The following KIAA0232 variants were observed in gnomAD, a reference collection of about 807,000 sequenced individuals.
KIAA0232 encodes the protein uncharacterized protein KIAA0232.
A neutral mutation model predicts 122.0 loss-of-function variants in KIAA0232; 27 were observed. The ratio of observed to expected loss-of-function variants is 0.22; its 90% CI spans 0.16 to 0.31. The LOEUF is 0.31. Among genes scored for constraint, KIAA0232 ranks in the 10% least tolerant of loss-of-function variants. The pLI is 1.00. For missense variants in KIAA0232, 1,551 were observed against 1,634.2 expected, an observed-to-expected ratio of 0.95 and a Z score of 0.88; for synonymous variants, 613 against 587.6, an observed-to-expected ratio of 1.04 and a Z score of -0.63.
intron 1 of KIAA0232, among the ~76,000 whole-genome samples, chr4:6,792,847 G>A (rs1460417245): frequency 1.3e-5 from 2 of 151,802 alleles, no homozygotes; most frequent in Admixed American, 1.3e-4. Flanking sequence ...CCACCACCAC[G>A]CCCGGCTAAT....
chr4:6,799,168 C>T (rs1717264894), intron 1 of KIAA0232, among the ~76,000 whole-genome samples: 1 of 151,752 alleles, frequency 6.6e-6, no homozygotes, highest in African/African-American at 2.4e-5. Flanking sequence ...TACATTACTG[C>T]AGTCTCCGCA....
chr4:6,844,431 CT>C (rs1384671497), intron 4 of KIAA0232, among the ~76,000 whole-genome samples: 9 of 151,748 alleles, frequency 5.9e-5, no homozygotes, highest in South Asian at 4.2e-4. Flanking sequence ...ATTTCTTTTT[CT>C]TTTTCTTTTC....
At chr4:6,841,615 G>A (rs866584751) in intron 3 of KIAA0232, among the ~76,000 whole-genome samples, 5 of 152,178 alleles carry the variant, frequency 3.3e-5, no homozygotes, top group South Asian at 2.1e-4. Context: ...AGATTGAAAA[G>A]GAAGAAGTAA....
intron 1 of KIAA0232, among the ~76,000 whole-genome samples, chr4:6,792,105 A>C (rs552951611): frequency 6.6e-6 from 1 of 152,350 alleles, no homozygotes; most frequent in Admixed American, 6.5e-5. Context: ...TAAGTCAATG[A>C]AACCTCTTTC....
intron 1 of KIAA0232, among the ~76,000 whole-genome samples, chr4:6,797,655 A>G (rs1183249823): frequency 2.6e-5 from 4 of 151,246 alleles, no homozygotes; most frequent in African/African-American, 9.7e-5. Context: ...AGTCCCAGTT[A>G]CCTGGGAGGC....
At chr4:6,810,580 G>T (rs1717833623) in intron 2 of KIAA0232, among the ~76,000 whole-genome samples, 1 of 152,050 alleles carries the variant, frequency 6.6e-6, no homozygotes, top group South Asian at 2.1e-4. Flanking sequence ...TAGACAAATG[G>T]GCCTTATCGA....
At chr4:6,824,728 G>C in intron 3 of KIAA0232, 44 bp downstream of exon 3, 1 of 1,490,646 alleles carries the variant, frequency 6.7e-7, no homozygotes, top group Non-Finnish European at 9.3e-7. Flanking sequence ...GATTGTATCT[G>C]TATGTATACA....
intron 1 of KIAA0232, among the ~76,000 whole-genome samples, chr4:6,788,577 T>A (rs1716739392): frequency 2.0e-5 from 3 of 152,244 alleles, no homozygotes; most frequent in Admixed American, 2.0e-4. Flanking sequence ...TGAAGGTCTT[T>A]CCTGGATTAT....
chr4:6,858,571 T>A, intron 6 of KIAA0232, 65 bp downstream of exon 6: 1 of 1,024,200 alleles, frequency 9.8e-7, no homozygotes, highest in Non-Finnish European at 1.5e-6. Flanking sequence ...AACTGCTACA[T>A]GGTTTCCGTT....
intron 3 of KIAA0232, among the ~76,000 whole-genome samples, chr4:6,827,876 C>G (rs1718775250): frequency 6.6e-6 from 1 of 151,700 alleles, no homozygotes; most frequent in Non-Finnish European, 1.5e-5. Flanking sequence ...AATGTTTCTT[C>G]TTTCTTTTTT....
In KIAA0232 at chr4:6,861,161, G is replaced by C; in HGVS notation, c.779G>C (p.Ser260Thr). ...AAAAACGAGAAGGAAAACAAATTTA[G>C]TAATGGCACAATTGAAGAAAAGCCT... ...KSKNEKENKFSNGTIEEKPAL... is the reference protein window; with the variant it reads ...KSKNEKENKFTNGTIEEKPAL... Residue 260 changes from serine to threonine, a missense_variant, in exon 7 of 10, where the codon AGT becomes ACT. Ser to Thr is a moderately conservative substitution (Grantham distance 58, BLOSUM62 1). This residue lies in a region of KIAA0232 where 377 missense variants were observed against 381.7 expected (regional missense o/e 0.99). Transcript: ENST00000307659. 1.2e-6 allele frequency: 2 copies of C among 1,614,134 alleles called. No homozygotes were observed. Among genetic ancestry groups the C allele is most frequent in the Non-Finnish European group, 1.7e-6 (2 of 1,180,024 alleles).
At chr4:6,832,674 T>C (rs900562255) in intron 3 of KIAA0232, among the ~76,000 whole-genome samples, 5 of 152,130 alleles carry the variant, frequency 3.3e-5, no homozygotes, top group African/African-American at 1.2e-4. Context: ...TTCTGCTATG[T>C]TTTCTGTTGG....
At chr4:6,849,712 A>T (rs1035375048) in intron 4 of KIAA0232, among the ~76,000 whole-genome samples, 6 of 151,886 alleles carry the variant, frequency 4.0e-5, no homozygotes. Context: ...CAGGCGGTGG[A>T]GCCAAGATCA....
At chr4:6,877,424 G>A (rs1179264336) in intron 9 of KIAA0232, among the ~76,000 whole-genome samples, 1 of 152,174 alleles carries the variant, frequency 6.6e-6, no homozygotes, top group Non-Finnish European at 1.5e-5. Flanking sequence ...TTTTTATTTG[G>A]TGTGAATTGT....
chr4:6,878,834 T>C (rs1721900334), intron 9 of KIAA0232, among the ~76,000 whole-genome samples: 1 of 152,216 alleles, frequency 6.6e-6, no homozygotes, highest in African/African-American at 2.4e-5. Context: ...GAGAACTGTC[T>C]GCCCAAGCAC....
At chr4:6,816,282 T>C (rs1484787282) in intron 2 of KIAA0232, among the ~76,000 whole-genome samples, 1 of 132,628 alleles carries the variant, frequency 7.5e-6, no homozygotes, top group Non-Finnish European at 1.7e-5. Context: ...ATAATGTCTT[T>C]TTTTTGTTTT....
chr4:6,863,698 A>T lies in KIAA0232; in HGVS notation c.3316A>T (p.Thr1106Ser). 6.2e-7 allele frequency: 1 copy of T among 1,614,122 alleles called. No individual in the cohort carries two copies. The highest frequency in any genetic ancestry group is 1.1e-5 in the South Asian group (1 of 91,086). ...QYRAIRISPR[T>S]HFRPISASEL... Reference sequence around the variant, plus strand: ...CAGGGCTATTCGGATCTCTCCTCGGACTCACTTTCGCCCAATTTCTGCATC... The same window carrying T: ...CAGGGCTATTCGGATCTCTCCTCGGTCTCACTTTCGCCCAATTTCTGCATC... Residue 1106 changes from threonine (T) to serine (S), a missense_variant, in exon 7 of 10, where the codon ACT becomes TCT. This residue lies in a region of KIAA0232 where 1,108 missense variants were observed against 1,154.8 expected (regional missense o/e 0.96). Coordinates refer to ENST00000307659, the MANE Select transcript of KIAA0232 (RefSeq NM_014743.3).
rs981071614 is a variant in KIAA0232, at chr4:6,858,450, G to C, written c.462G>C (p.Glu154Asp). The C allele has an allele frequency of 6.2e-7, 1 of 1,605,414 alleles. No homozygotes were observed. Among genetic ancestry groups the C allele is most frequent in the Non-Finnish European group, 8.5e-7 (1 of 1,176,564 alleles). Residue 154 changes from glutamate (E) to aspartate (D), a missense_variant, in exon 6 of 10, where the codon GAG becomes GAC. By Grantham distance (45) the Glu-to-Asp change is conservative. Transcript: ENST00000307659. Reference sequence around the variant, plus strand: ...AAGAGAAGATTCACAAAAAGTTAGAGGGGTCTCCCTCTCCAGAGGCAGAAT... The same window carrying C: ...AAGAGAAGATTCACAAAAAGTTAGACGGGTCTCCCTCTCCAGAGGCAGAAT... ...KQEEKIHKKL[E>D]GSPSPEAELS...
At position 6,824,521 on chromosome 4, in the gene KIAA0232, G is replaced by A; in HGVS notation, c.68G>A (p.Gly23Asp). The change falls in exon 3 of 10, where the codon GGC (glycine) becomes GAC (aspartate). Residue 23 changes from glycine (G) to aspartate (D), a missense_variant. This residue lies in a region of KIAA0232 where 37 missense variants were observed against 28.5 expected (regional missense o/e 1.30). Coordinates refer to ENST00000307659, the MANE Select transcript of KIAA0232 (RefSeq NM_014743.3). ...GAAAGCTCCTCAAGTTCTTATCCAG[G>A]CCCTGTGTCTGTTTCTGAAATGTCT... is the stretch of plus-strand genomic sequence containing the variant. The part of the protein sequence containing the change: ...PSESSSSSYP[G>D]PVSVSEMSLL... The A allele has an allele frequency of 6.2e-7, 1 of 1,614,126 alleles. No individual in the cohort carries two copies.
Sources: allele counts gnomAD v4.1 joint callset (sites outside exome capture counted in the v4.1 genomes callset), GRCh38; gene constraint gnomAD v4.1.1; regional missense constraint gnomAD v4.1.1; transcripts MANE v1.5; gene names NCBI Gene and HGNC (gene_info 2026-07-23, HGNC 2026-07-21).